ZNF222: variants seen among roughly 807,000 people sequenced by gnomAD.
The protein encoded by ZNF222 is zinc finger protein 222.
ZNF222 carries 8 observed loss-of-function variants against 11.6 expected under a neutral mutation model. The observed-to-expected ratio is 0.69, with a 90% CI of 0.41 to 1.25. The LOEUF is 1.25. Among genes scored for constraint, ZNF222 ranks in the 50% most tolerant of loss-of-function variants. The probability of loss-of-function intolerance (pLI) is 0.01; values close to 1 mark genes in which losing one functional copy is unlikely to be tolerated. For missense variants in ZNF222, 483 were observed against 576.1 expected (o/e 0.84, Z 1.65); for synonymous variants, 171 against 195.6 (o/e 0.87, Z 1.05).
chr19:44,029,612 C>G (rs1795141602), intron 3 of ZNF222, among the ~76,000 whole-genome samples: 1 of 152,136 alleles, frequency 6.6e-6, no homozygotes, highest in South Asian at 2.1e-4. Flanking sequence ...AATTGGGAAA[C>G]TGCTCTCAAA....
At position 44,027,291 on chromosome 19, in the gene ZNF222, T is replaced by G. The variant is rs377436030; in HGVS notation, c.170-107T>G. On this transcript the variant is annotated intron_variant, in intron 2 of 3. Coordinates refer to ENST00000391960, the MANE Select transcript of ZNF222 (RefSeq NM_001129996.2). ...GCTATTAGGTTGGTGCAAAAGTAAT[T>G]GTGGTTTTTGTCATTGGAAGTAATG... 794 of 1,568,138 alleles carry G rather than the reference T, an allele frequency of 5.1e-4. 5 individuals carry two copies. In the South Asian group the frequency reaches 6.5e-3, roughly 13 times the overall value.
At chr19:44,026,554 A>ATTTT (rs1329786054) in intron 1 of ZNF222, among the ~76,000 whole-genome samples, 3 of 129,550 alleles carry the variant, frequency 2.3e-5, no homozygotes, top group Admixed American at 7.7e-5. Flanking sequence ...ATATATATAT[A>ATTTT]TATTTTTTTT....
Position 44,026,866 on chromosome 19 carries a change from T to A in ZNF222, c.43-157T>A, listed in dbSNP as rs150256754. Among the ~76,000 whole-genome samples the A allele has an allele frequency of 3.6e-3, 545 of 152,282 alleles. 2 individuals are homozygous for A. Among genetic ancestry groups the A allele is most frequent in the African/African-American group, 0.012 (514 of 41,552 alleles). On this transcript the variant is annotated intron_variant, in intron 1 of 3. Transcript: ENST00000391960. ...ACCCCTATTGCCTAATCAGTCATTG[T>A]CAGGACACAAACAGAATAAGTAGGA...
At chr19:44,027,274 G>GTTT in intron 2 of ZNF222, 124 bp from the exon 3 acceptor site, 2 of 1,579,004 alleles carry the variant, frequency 1.3e-6, no homozygotes, top group Non-Finnish European at 1.7e-6. Flanking sequence ...TGGCTATTAG[G>GTTT]TTGGTGCAAA....
chr19:44,025,579 G>A lies in ZNF222; in HGVS notation c.42+101G>A, dbSNP rs1568501716. 1 of 1,307,376 alleles carries A rather than the reference G, an allele frequency of 7.6e-7. No homozygotes were observed. The highest frequency in any genetic ancestry group is 1.0e-6 in the Non-Finnish European group (1 of 972,172). The allele number at this position is 1,307,376 out of a possible 1,614,324, so 81.0% of individuals were successfully genotyped here. ...TCAGGGAGTGGGATTGGCGCGGCCC[G>A]GTGTGCCCTACTTTGACCTCGCTTA... On this transcript the variant is annotated intron_variant, in intron 1 of 3. Transcript: ENST00000391960. This position sits in a 1 kb window ranked among gnomAD's most constrained non-coding sequence, Gnocchi z 4.6.
chr19:44,025,394 C>A lies in ZNF222; in HGVS notation c.-43C>A. 1 of 1,549,328 alleles carries A rather than the reference C, an allele frequency of 6.5e-7. No homozygotes were observed. The highest frequency in any genetic ancestry group is 8.7e-7 in the Non-Finnish European group (1 of 1,144,878). On this transcript the variant is annotated 5_prime_UTR_variant, in exon 1 of 4. Transcript: ENST00000391960. The surrounding 1 kb of genome is among the most constrained non-coding windows in gnomAD (Gnocchi z 4.6). ...TGAGTCATTTCCACATCTTGCGAGT[C>A]CTTCCGAACGAGTCTCCTTTCCTTG... is the stretch of plus-strand genomic sequence containing the variant.
chr19:44,027,166 C>G lies in ZNF222; in HGVS notation c.169+17C>G. ...TCTCAGTGGGTGAGGACGGGCACCC[C>G]CTGTAATGGAATGTCAGGCCCCAGG... On this transcript the variant is annotated intron_variant, in intron 2 of 3. Coordinates refer to ENST00000391960, the MANE Select transcript of ZNF222 (RefSeq NM_001129996.2). The G allele has an allele frequency of 6.2e-7, 1 of 1,613,336 alleles. No individual in the cohort carries two copies. The highest frequency in any genetic ancestry group is 8.5e-7 in the Non-Finnish European group (1 of 1,179,652).
Position 44,032,988 on chromosome 19 carries a change from G to A in ZNF222, c.1434G>A (p.Leu478=). 6.4e-7 allele frequency: 1 copy of A among 1,567,562 alleles called. No individual in the cohort carries two copies. Among genetic ancestry groups the A allele is most frequent in the Non-Finnish European group, 8.6e-7 (1 of 1,165,132 alleles). Residue 478 remains leucine, a synonymous_variant, in exon 4 of 4, where the codon TTG becomes TTA. Transcript: ENST00000391960. ...GTGGGAAGCGCTACAAGAGGCGCTT[G>A]AATCTGGATATAATTTTATCATTAT... The part of the protein sequence containing the change: ...EDCGKRYKRR[L]NLDIILSLFL...
chr19:44,027,203 A>G, intron 2 of ZNF222, 54 bp downstream of exon 2: 1 of 1,602,334 alleles, frequency 6.2e-7, no homozygotes, highest in South Asian at 1.1e-5. Flanking sequence ...GTGGTTTTTT[A>G]ATCCTAGGGT....
rs775232526 is a variant in ZNF222, at chr19:44,032,328, T to A, written c.774T>A (p.Val258=). The change falls in exon 4 of 4, where the codon GTT becomes GTA. Residue 258 remains valine, a synonymous_variant. Transcript: ENST00000391960. The stretch of plus-strand genomic sequence containing the variant: ...TCAGATGTAGATCAGCACTTAAAGT[T>A]CATTGCAAATTACACATGAGAGAGA... ...KGFRCRSALK[V]HCKLHMREKP... 6 of 1,614,054 alleles carry A rather than the reference T, an allele frequency of 3.7e-6. No homozygotes were observed. The East Asian group carries it at 1.3e-4, about 36-fold the overall frequency.
In ZNF222 at chr19:44,031,847, T is replaced by C. The variant is rs1242128971; in HGVS notation, c.293T>C (p.Val98Ala). ...AAGATCCAAACTGAGATGGAGACTG[T>C]TCCAGAAGCAGGAACACATGAAGAA... ...GGKIQTEMET[V>A]PEAGTHEEFS... The change falls in exon 4 of 4, where the codon GTT (valine) becomes GCT (alanine). Residue 98 changes from valine (V) to alanine (A), a missense_variant. Transcript: ENST00000391960. The C allele has an allele frequency of 2.5e-6, 4 of 1,613,966 alleles. No homozygotes were observed. The highest frequency in any genetic ancestry group is 1.7e-6 in the Non-Finnish European group (2 of 1,179,958).
rs1048398234 is a variant in ZNF222 at position 44,025,879 on chromosome 19, G to A, written c.42+401G>A. 4.4e-4 allele frequency: 330 copies of A among 752,802 alleles called. 4 individuals carry two copies. Among genetic ancestry groups the A allele is most frequent in the Non-Finnish European group, 1.7e-5 (8 of 472,812 alleles). The allele number at this position is 752,802 out of a possible 1,614,324, so 46.6% of individuals were successfully genotyped here. On this transcript the variant is annotated intron_variant, in intron 1 of 3. Coordinates refer to ENST00000391960, the MANE Select transcript of ZNF222 (RefSeq NM_001129996.2). This position sits in a 1 kb window ranked among gnomAD's most constrained non-coding sequence, Gnocchi z 4.6. ...GTGGGGTCAGAGCTCCAGCTGCAGG[G>A]GCGCCGGCCCTTCTGCCTGATCCCT...
In ZNF222 at chr19:44,028,199, C is replaced by A. The variant is rs1976423263; in HGVS notation, c.262+709C>A. On this transcript the variant is annotated intron_variant, in intron 3 of 3. Coordinates refer to ENST00000391960, the MANE Select transcript of ZNF222 (RefSeq NM_001129996.2). ...ACTCTTCTTATGCCTTCCTCTTTCA[C>A]CTTTCAGGTCCCTTGTGATAGTATT... The A allele has an allele frequency of 1.5e-5, 6 of 399,094 alleles. No individual in the cohort carries two copies. In the East Asian group the frequency reaches 2.1e-4, roughly 14 times the overall value. 24.7% of individuals were successfully genotyped at this position (399,094 alleles called of 1,614,324 possible). A position where few individuals can be genotyped will look rare whatever the true frequency, so the allele number is the denominator to read the frequency against.
chr19:44,032,658 T>G lies in ZNF222; in HGVS notation c.1104T>G (p.Leu368=). The change falls in exon 4 of 4, where the codon CTT becomes CTG. Residue 368 remains leucine, a synonymous_variant. Coordinates refer to ENST00000391960, the MANE Select transcript of ZNF222 (RefSeq NM_001129996.2). ...AGAGCTTCAAATGGTCCTCATATCT[T>G]TTGGTCCATCAACGAGTCCACACTG... is the stretch of plus-strand genomic sequence containing the variant. ...CGKSFKWSSY[L]LVHQRVHTGE... 6.2e-7 allele frequency: 1 copy of G among 1,613,796 alleles called. No individual in the cohort carries two copies. Among genetic ancestry groups the G allele is most frequent in the South Asian group, 1.1e-5 (1 of 91,056 alleles).
chr19:44,028,007 C>G (rs576869612), intron 3 of ZNF222, among the ~76,000 whole-genome samples: 6 of 152,318 alleles, frequency 3.9e-5, no homozygotes, highest in African/African-American at 1.4e-4. Flanking sequence ...ATCAAGTGGT[C>G]TTAGGGCTTT....
intron 1 of ZNF222, among the ~76,000 whole-genome samples, chr19:44,026,363 A>C (rs1192588519): frequency 6.6e-6 from 1 of 152,068 alleles, no homozygotes; most frequent in Non-Finnish European, 1.5e-5. Flanking sequence ...TCTTGAATGC[A>C]ATTCTCATTG....
At chr19:44,031,483 T>G (rs1166967628) in intron 3 of ZNF222, among the ~76,000 whole-genome samples, 1 of 152,120 alleles carries the variant, frequency 6.6e-6, no homozygotes, top group Non-Finnish European at 1.5e-5. Context: ...CTGTTTTTGT[T>G]TTGTTTTGTT....
chr19:44,029,185 TG>T (rs1385519596), intron 3 of ZNF222, among the ~76,000 whole-genome samples: 228 of 93,660 alleles, frequency 2.4e-3, no homozygotes, highest in African/African-American at 0.011. Flanking sequence ...TGGTTTGTTT[TG>T]TTTTGTTTTT....
intron 3 of ZNF222, among the ~76,000 whole-genome samples, chr19:44,028,743 TAATG>T (rs1326201177): frequency 6.6e-6 from 1 of 152,198 alleles, no homozygotes. Context: ...ATGAATGAAT[TAATG>T]GATGAGAGGA....
Sources: gnomAD v4.1 joint callset for allele counts (sites outside exome capture counted in the v4.1 genomes callset) on GRCh38, gnomAD v4.1.1 for gene constraint, Gnocchi (gnomAD v3.1) non-coding constraint, MANE v1.5 for transcripts, NCBI Gene and HGNC (gene_info 2026-07-23, HGNC 2026-07-21) for gene names.